TFB2M: variants seen among roughly 807,000 people sequenced by gnomAD.
The protein encoded by TFB2M is dimethyladenosine transferase 2, mitochondrial.
Under a neutral mutation model 41.3 loss-of-function variants are expected in TFB2M, and 44 were observed. The observed-to-expected ratio is 1.07, with a 90% confidence interval of 0.84 to 1.37. TFB2M has a LOEUF of 1.37. Among genes scored for constraint, TFB2M ranks in the 40% most tolerant of loss-of-function variants. The probability of loss-of-function intolerance (pLI) is 0.00; values close to 1 mark genes in which losing one functional copy is unlikely to be tolerated. For synonymous variants in TFB2M, 188 were observed against 176.8 expected, an observed-to-expected ratio of 1.06 and a Z score of -0.50; for missense variants, 496 against 490.2, an observed-to-expected ratio of 1.01 and a Z score of -0.11.
In TFB2M at chr1:246,564,374, C is replaced by T; in HGVS notation, c.374G>A (p.Ser125Asn). 6.2e-7 allele frequency: 1 copy of T among 1,614,174 alleles called. No individual in the cohort carries two copies. The highest frequency in any genetic ancestry group is 8.5e-7 in the Non-Finnish European group (1 of 1,180,014). The change falls in exon 2 of 8, where the codon AGT (serine) becomes AAT (asparagine). Residue 125 changes from serine (S) to asparagine (N), a missense_variant. Transcript: ENST00000366514. ...EAGAKVVALE[S>N]DKTFIPHLES... ...CAAATGTGGAATAAAAGTTTTGTCA[C>T]TTTCGAGCGCAACCACTTTGGCACC...
intron 2 of TFB2M, among the ~76,000 whole-genome samples, chr1:246,563,652 T>C (rs1366326485): frequency 2.0e-5 from 3 of 151,638 alleles, no homozygotes; most frequent in Non-Finnish European, 4.4e-5. Context: ...AACAAGGAGA[T>C]TGTTCACATG....
rs903116797 is a variant in TFB2M at position 246,565,967 on chromosome 1, T to C, written c.172A>G (p.Arg58Gly). The C allele has an allele frequency of 6.2e-7, 1 of 1,614,182 alleles. No individual in the cohort carries two copies. The highest frequency in any genetic ancestry group is 8.5e-7 in the Non-Finnish European group (1 of 1,180,016). ...TTAGACGCCTTCCTTGGCGGATTCC[T>C]GAAATCCGGTTCGGGCCACAGCTGC... ...SPQLWPEPDF[R>G]NPPRKASKAS... The change falls in exon 1 of 8, where the codon AGG (arginine) becomes GGG (glycine). Residue 58 changes from arginine (R) to glycine (G), a missense_variant. Transcript: ENST00000366514.
rs1572093917 is a variant in TFB2M at position 246,564,364 on chromosome 1, A to T, written c.384T>A (p.Thr128=). The change falls in exon 2 of 8, where the codon ACT becomes ACA. Residue 128 remains threonine, a synonymous_variant. Transcript: ENST00000366514. ...AKVVALESDK[T]FIPHLESLGK... is the part of the protein sequence containing the mutation. The stretch of plus-strand genomic sequence containing the variant: ...AATATACCTCCAAATGTGGAATAAA[A>T]GTTTTGTCACTTTCGAGCGCAACCA... The T allele has an allele frequency of 6.2e-7, 1 of 1,614,174 alleles. No individual in the cohort carries two copies. The highest frequency in any genetic ancestry group is 1.1e-5 in the South Asian group (1 of 91,080).
intron 1 of TFB2M, among the ~76,000 whole-genome samples, chr1:246,564,926 C>T (rs995630998): frequency 5.9e-5 from 9 of 152,200 alleles, no homozygotes; most frequent in African/African-American, 2.2e-4. Context: ...GGGAACCACT[C>T]GCCTCGGCCT....
At position 246,555,645 on chromosome 1, in the gene TFB2M, T is replaced by A. The variant is rs193234317; in HGVS notation, c.705+928A>T. Among the ~76,000 whole-genome samples, 209 of 152,304 alleles carry A rather than the reference T, an allele frequency of 1.4e-3. 1 individual carries two copies. The highest frequency in any genetic ancestry group is 4.8e-3 in the African/African-American group (200 of 41,564). On this transcript the variant is annotated intron_variant, in intron 4 of 7. Coordinates refer to ENST00000366514, the MANE Select transcript of TFB2M (RefSeq NM_022366.3). ...TAAAAATAGAATTACTATATGATCC[T>A]GCAATTCTACTTCTAGCTGTACACT...
chr1:246,543,850 C>T (rs536915960), intron 7 of TFB2M, among the ~76,000 whole-genome samples: 8 of 146,764 alleles, frequency 5.5e-5, no homozygotes, highest in Non-Finnish European at 7.4e-5. Context: ...ATTAGCCGGG[C>T]GTGGTGGTGC....
rs34409344 is a variant in TFB2M, at chr1:246,563,202, CTTTT to C, written c.402+1140_402+1143del. Among the ~76,000 whole-genome samples the C allele has an allele frequency of 1.4e-3, 205 of 143,254 alleles. 1 individual carries two copies. The highest frequency in any genetic ancestry group is 4.8e-3 in the African/African-American group (187 of 38,864). 94.0% of individuals were successfully genotyped at this position (143,254 alleles called of 152,430 possible). On this transcript the variant is annotated intron_variant, in intron 2 of 7. Transcript: ENST00000366514. The stretch of plus-strand genomic sequence containing the variant: ...GTGCTGCTTAGTTTCTCTGAACACA[CTTTT>C]TTTTTTTTTTTTTACTGTACTAATG...
chr1:246,557,479 T>G lies in TFB2M; in HGVS notation c.458A>C (p.Lys153Thr). The change falls in exon 3 of 8, where the codon AAA becomes ACA. Residue 153 changes from lysine (K) to threonine (T), a missense_variant. By Grantham distance (78) the Lys-to-Thr change is moderately conservative. Coordinates refer to ENST00000366514, the MANE Select transcript of TFB2M (RefSeq NM_022366.3). Reference sequence around the variant, plus strand: ...TACTCCACCACTTCTAGGATCTAGTTTAAAGAAGTCACAGTGAATCACTCG... The same window carrying G: ...TACTCCACCACTTCTAGGATCTAGTGTAAAGAAGTCACAGTGAATCACTCG... ...KLRVIHCDFF[K>T]LDPRSGGVIK... 2 of 1,613,190 alleles carry G rather than the reference T, an allele frequency of 1.2e-6. No individual in the cohort carries two copies. The highest frequency in any genetic ancestry group is 2.2e-5 in the East Asian group (1 of 44,836).
In TFB2M at chr1:246,557,301, A is replaced by T. The variant is rs920856748; in HGVS notation, c.556+80T>A. On this transcript the variant is annotated intron_variant, in intron 3 of 7. Coordinates refer to ENST00000366514, the MANE Select transcript of TFB2M (RefSeq NM_022366.3). Reference sequence around the variant, plus strand: ...AAACAAACAAATAAATAAAACACAAATTTCATCAACAAATCAGTTATACTG... The same window carrying T: ...AAACAAACAAATAAATAAAACACAATTTTCATCAACAAATCAGTTATACTG... The T allele has an allele frequency of 2.0e-6, 3 of 1,469,394 alleles. No individual in the cohort carries two copies. The Admixed American group carries it at 7.0e-5, about 34-fold the overall frequency. The allele number at this position is 1,469,394 out of a possible 1,614,324, so 91.0% of individuals were successfully genotyped here. A position where few individuals can be genotyped will look rare whatever the true frequency, so the allele number is the denominator to read the frequency against.
At chr1:246,562,957 C>T (rs749771600) in intron 2 of TFB2M, among the ~76,000 whole-genome samples, 23 of 152,088 alleles carry the variant, frequency 1.5e-4, no homozygotes, top group Admixed American at 5.9e-4. Flanking sequence ...CGCGCCCGGC[C>T]CACAGGAAAC....
At chr1:246,547,655 C>G (rs1194313848) in intron 6 of TFB2M, among the ~76,000 whole-genome samples, 1 of 140,938 alleles carries the variant, frequency 7.1e-6, no homozygotes, top group African/African-American at 2.9e-5. Flanking sequence ...CCATTGTTAG[C>G]ATTTAATTCG....
chr1:246,563,185 T>A (rs560091693), intron 2 of TFB2M, among the ~76,000 whole-genome samples: 10 of 149,422 alleles, frequency 6.7e-5, no homozygotes, highest in Non-Finnish European at 1.5e-4. Flanking sequence ...CTGTGCTGCT[T>A]AGTTTCTCTG....
At position 246,541,140 on chromosome 1, in the gene TFB2M, T is replaced by C; in HGVS notation, c.1082A>G (p.Lys361Arg). The C allele has an allele frequency of 6.2e-7, 1 of 1,614,152 alleles. No homozygotes were observed. Among genetic ancestry groups the C allele is most frequent in the South Asian group, 1.1e-5 (1 of 91,076 alleles). The change falls in exon 8 of 8, where the codon AAA becomes AGA. Residue 361 changes from lysine to arginine, a missense_variant. Transcript: ENST00000366514. The part of the protein sequence containing the change: ...LMQIGKQEDE[K>R]VVNMHPQDFK... Reference sequence around the variant, plus strand: ...GTCTTGAGGGTGCATGTTAACTACTTTCTCATCCTCCTGTTTTCCTATTTG... The same window carrying C: ...GTCTTGAGGGTGCATGTTAACTACTCTCTCATCCTCCTGTTTTCCTATTTG...
At chr1:246,551,393 A>C in intron 4 of TFB2M, 91 bp from the exon 5 acceptor site, 1 of 873,432 alleles carries the variant, frequency 1.1e-6, no homozygotes. Context: ...TCTTAATGGC[A>C]TCTAGACATT....
At chr1:246,565,791 G>A (rs1405266166) in intron 1 of TFB2M, 35 bp downstream of exon 1, 6 of 1,579,648 alleles carry the variant, frequency 3.8e-6, no homozygotes, top group Non-Finnish European at 4.3e-6. Context: ...AATAAATGAT[G>A]AACATCCAAG....
intron 4 of TFB2M, among the ~76,000 whole-genome samples, chr1:246,551,645 T>C (rs1044508931): frequency 4.0e-5 from 6 of 151,700 alleles, no homozygotes; most frequent in African/African-American, 1.5e-4. Flanking sequence ...TGCTTGAGCC[T>C]AGAAGTTCAA....
chr1:246,544,440 A>C lies in TFB2M; in HGVS notation c.1019+81T>G. 3 of 1,271,992 alleles carry C rather than the reference A, an allele frequency of 2.4e-6. No homozygotes were observed. The South Asian group carries it at 4.2e-5, about 18-fold the overall frequency. 78.8% of individuals were successfully genotyped at this position (1,271,992 alleles called of 1,614,324 possible). A position where few individuals can be genotyped will look rare whatever the true frequency, so the allele number is the denominator to read the frequency against. ...ATGGTACCTCACTCTGTCAATCAAG[A>C]TATAAAAATAGATCTCTAGCATGAA... On this transcript the variant is annotated intron_variant, in intron 7 of 7. Transcript: ENST00000366514.
intron 3 of TFB2M, among the ~76,000 whole-genome samples, 153 bp from the exon 4 acceptor site, chr1:246,556,874 A>G (rs2102988988): frequency 6.6e-6 from 1 of 152,294 alleles, no homozygotes; most frequent in East Asian, 1.9e-4. Flanking sequence ...TTGGCATGAA[A>G]CTTGGCTTTT....
chr1:246,545,625 C>A (rs1658999582), intron 6 of TFB2M, among the ~76,000 whole-genome samples: 1 of 151,848 alleles, frequency 6.6e-6, no homozygotes, highest in Non-Finnish European at 1.5e-5. Context: ...CTAGCCTGGA[C>A]AACATGGCGA....
Sources: gnomAD v4.1 joint callset for allele counts (sites outside exome capture counted in the v4.1 genomes callset) on GRCh38, gnomAD v4.1.1 for gene constraint, MANE v1.5 for transcripts, NCBI Gene and HGNC (gene_info 2026-07-23, HGNC 2026-07-21) for gene names.